The following ASRGL1 variants were observed in gnomAD, a reference collection of about 807,000 sequenced individuals.
ASRGL1 encodes asparaginase and isoaspartyl peptidase 1, also known as isoaspartyl peptidase/L-asparaginase.
ASRGL1 carries 16 observed loss-of-function variants against 22.4 expected under a neutral mutation model. That is an observed-to-expected ratio of 0.71 (90% CI 0.48 to 1.08). The LOEUF is 1.08. Ranked by LOEUF, ASRGL1 falls within the 50% of genes least tolerant of loss-of-function variation. The probability of loss-of-function intolerance (pLI) is 0.00; values close to 1 mark genes in which losing one functional copy is unlikely to be tolerated. For synonymous variants in ASRGL1, 165 were observed against 159.3 expected (o/e 1.04, Z -0.27); for missense variants, 412 against 410.1 (o/e 1.00, Z -0.04).
At chr11:62,374,036 T>C (rs1946848770) in intron 4 of ASRGL1, among the ~76,000 whole-genome samples, 2 of 152,184 alleles carry the variant, frequency 1.3e-5, no homozygotes, top group African/African-American at 4.8e-5. Context: ...CTCCAGTCCT[T>C]GCAAGAAGGA....
At chr11:62,386,233 G>T (rs1290896170) in intron 4 of ASRGL1, among the ~76,000 whole-genome samples, 1 of 152,122 alleles carries the variant, frequency 6.6e-6, no homozygotes, top group African/African-American at 2.4e-5. Flanking sequence ...GAGGTCAGGA[G>T]TTTGAGACTG....
At chr11:62,342,119 G>C (rs773218447) in intron 2 of ASRGL1, among the ~76,000 whole-genome samples, 6 of 152,156 alleles carry the variant, frequency 3.9e-5, no homozygotes, top group Admixed American at 3.9e-4. Flanking sequence ...TGGCTGAAAC[G>C]GGACCTTACA....
intron 4 of ASRGL1, among the ~76,000 whole-genome samples, chr11:62,357,875 A>G (rs566056740): frequency 1.3e-5 from 2 of 152,312 alleles, no homozygotes; most frequent in East Asian, 3.9e-4. Flanking sequence ...TTGACTCCGC[A>G]TACTTTTTAG....
chr11:62,351,785 C>G (rs1007985183), intron 2 of ASRGL1, among the ~76,000 whole-genome samples: 1 of 152,108 alleles, frequency 6.6e-6, no homozygotes, highest in African/African-American at 2.4e-5. Context: ...GATCCTCCCA[C>G]CTCAGCCTCC....
intron 4 of ASRGL1, among the ~76,000 whole-genome samples, chr11:62,360,792 A>G (rs1308802340): frequency 2.0e-5 from 3 of 152,254 alleles, no homozygotes; most frequent in African/African-American, 7.2e-5. Context: ...ATGAAGAATC[A>G]CACACAATAA....
intron 4 of ASRGL1, among the ~76,000 whole-genome samples, chr11:62,363,602 A>G (rs1946537336): frequency 6.6e-6 from 1 of 152,222 alleles, no homozygotes; most frequent in Non-Finnish European, 1.5e-5. Context: ...TATATGATCA[A>G]GTTAAAAATT....
At chr11:62,347,565 A>G (rs1946058825) in intron 2 of ASRGL1, among the ~76,000 whole-genome samples, 1 of 152,098 alleles carries the variant, frequency 6.6e-6, no homozygotes, top group Admixed American at 6.6e-5. Flanking sequence ...AGGAAGACCA[A>G]ACTTTGTGTC....
intron 4 of ASRGL1, among the ~76,000 whole-genome samples, chr11:62,366,233 G>C (rs1009757976): frequency 2.1e-5 from 3 of 142,288 alleles, no homozygotes; most frequent in African/African-American, 7.8e-5. Flanking sequence ...CTGCACTCCA[G>C]CCTGCGCCAC....
In ASRGL1 at chr11:62,357,144, A is replaced by G. The variant is rs1946320636; in HGVS notation, c.491A>G (p.Lys164Arg). 1.2e-6 allele frequency: 2 copies of G among 1,612,698 alleles called. No homozygotes were observed. Among genetic ancestry groups the G allele is most frequent in the Non-Finnish European group, 1.7e-6 (2 of 1,179,472 alleles). The change falls in exon 4 of 7, where the codon AAA becomes AGA. Residue 164 changes from lysine to arginine, a missense_variant and splice_region_variant. Lys to Arg is a conservative substitution (Grantham distance 26). Coordinates refer to ENST00000415229, the MANE Select transcript of ASRGL1 (RefSeq NM_001083926.2). ...EKGAQKTDCQ[K>R]NLGTVGAVAL... is the part of the protein sequence containing the mutation. ...GGTGCTCAGAAAACAGATTGTCAAA[A>G]GTAAGTCTTACCTGTGGCTCGCATT...
Position 62,371,397 on chromosome 11 carries a change from A to T in ASRGL1, c.491+14253A>T, listed in dbSNP as rs1404965363. The T allele has an allele frequency of 1.0e-5, 6 of 591,352 alleles. No homozygotes were observed. The East Asian group carries it at 1.6e-4, about 16-fold the overall frequency. 36.6% of individuals were successfully genotyped at this position (591,352 alleles called of 1,614,324 possible). On this transcript the variant is annotated intron_variant, in intron 4 of 6. Transcript: ENST00000415229. ...GCGGTGCGGCTGTGGTGGTCGCCGA[A>T]CCCGAGCACACCAAGAAGCACGTCA...
Position 62,356,240 on chromosome 11 carries a change from C to T in ASRGL1, c.191-85C>T, listed in dbSNP as rs576408019. The T allele has an allele frequency of 3.4e-4, 520 of 1,509,426 alleles. 1 individual carries two copies. The African/African-American group carries it at 6.3e-3, about 18-fold the overall frequency. The allele number at this position is 1,509,426 out of a possible 1,614,324, so 93.5% of individuals were successfully genotyped here. ...TCACCTCCCGGATGGGGCGGCTGGC[C>T]GGGCGGGGGGCTGACCCCCCCACCT... On this transcript the variant is annotated intron_variant, in intron 2 of 6. Coordinates refer to ENST00000415229, the MANE Select transcript of ASRGL1 (RefSeq NM_001083926.2).
intron 4 of ASRGL1, among the ~76,000 whole-genome samples, chr11:62,357,702 T>G (rs1168782372): frequency 1.3e-5 from 2 of 152,196 alleles, no homozygotes; most frequent in African/African-American, 4.8e-5. Flanking sequence ...TTTCATAGTT[T>G]AGAGAAATCA....
intron 4 of ASRGL1, among the ~76,000 whole-genome samples, chr11:62,375,317 GTCT>G (rs956349684): frequency 2.0e-5 from 3 of 151,212 alleles, no homozygotes; most frequent in African/African-American, 7.3e-5. Flanking sequence ...CATCTGACTG[GTCT>G]TCTAGCTCAG....
chr11:62,340,438 A>G (rs913858721), intron 2 of ASRGL1, among the ~76,000 whole-genome samples: 1 of 152,218 alleles, frequency 6.6e-6, no homozygotes, highest in African/African-American at 2.4e-5. Context: ...CTTAGCACTC[A>G]GCACCCCCTG....
In ASRGL1 at chr11:62,357,147, A is replaced by G; in HGVS notation, c.491+3A>G. ...GCTCAGAAAACAGATTGTCAAAAGT[A>G]AGTCTTACCTGTGGCTCGCATTATT... On this transcript the variant is annotated splice_donor_region_variant and intron_variant, in intron 4 of 6. Transcript: ENST00000415229. 1.2e-6 allele frequency: 2 copies of G among 1,611,804 alleles called. No homozygotes were observed. The highest frequency in any genetic ancestry group is 1.7e-6 in the Non-Finnish European group (2 of 1,179,422).
At chr11:62,357,248 T>TGTTTTGTTTC in intron 4 of ASRGL1, 104 bp downstream of exon 4, 2 of 1,154,470 alleles carry the variant, frequency 1.7e-6, no homozygotes, top group Non-Finnish European at 2.4e-6. Flanking sequence ...TGTTTTGTTT[T>TGTTTTGTTTC]GTTTTGTTTT....
At chr11:62,337,655 A>G (rs958278673) in intron 1 of ASRGL1, 81 bp downstream of exon 1, 10 of 285,166 alleles carry the variant, frequency 3.5e-5, no homozygotes, top group African/African-American at 2.2e-4. Context: ...ATTTTCCCGA[A>G]GGCGAAATAG....
chr11:62,343,332 C>T (rs1390073684), intron 2 of ASRGL1, among the ~76,000 whole-genome samples: 27 of 133,250 alleles, frequency 2.0e-4, no homozygotes, highest in Admixed American at 4.9e-4. Context: ...GAGCTGAGAT[C>T]GTGCCACTGC....
At chr11:62,377,748 G>A (rs1946965351) in intron 4 of ASRGL1, among the ~76,000 whole-genome samples, 1 of 152,094 alleles carries the variant, frequency 6.6e-6, no homozygotes, top group South Asian at 2.1e-4. Context: ...TTTTGTCTGG[G>A]TCATTTCCAC....
Sources: allele counts gnomAD v4.1 joint callset (sites outside exome capture counted in the v4.1 genomes callset), GRCh38; gene constraint gnomAD v4.1.1; transcripts MANE v1.5; gene names NCBI Gene and HGNC (gene_info 2026-07-23, HGNC 2026-07-21).